Variants in KIF26B observed in about 807,000 individuals in gnomAD.
KIF26B encodes the protein kinesin-like protein KIF26B.
In KIF26B, 63 loss-of-function variants were observed where a neutral mutation model predicts 151.2. The ratio of observed to expected loss-of-function variants is 0.42; its 90% CI spans 0.34 to 0.51. The LOEUF (loss-of-function observed/expected upper bound fraction) is 0.51, where lower values mean the gene tolerates loss of function less well. KIF26B is among the 20% of genes least tolerant of loss of function. The pLI is 0.07. For synonymous variants in KIF26B, 1,357 were observed against 1,262.1 expected, an observed-to-expected ratio of 1.08 and a Z score of -1.59; for missense variants, 2,813 against 2,913.6, an observed-to-expected ratio of 0.97 and a Z score of 0.79.
chr1:245,309,522 C>G (rs2102981621), intron 2 of KIF26B, among the ~76,000 whole-genome samples: 1 of 152,046 alleles, frequency 6.6e-6, no homozygotes, highest in Admixed American at 6.5e-5. Flanking sequence ...GTTCTCAGCC[C>G]TTTGGACTAC....
chr1:245,580,197 C>T (rs1329290827), intron 5 of KIF26B, among the ~76,000 whole-genome samples: 4 of 152,234 alleles, frequency 2.6e-5, no homozygotes, highest in African/African-American at 9.6e-5. Flanking sequence ...AATGTGCCCA[C>T]CCAATATTTC....
chr1:245,525,600 A>G (rs1372038782), intron 4 of KIF26B, among the ~76,000 whole-genome samples: 4 of 152,260 alleles, frequency 2.6e-5, no homozygotes, highest in African/African-American at 7.2e-5. Flanking sequence ...GGGAATTCAC[A>G]CAAGGAAAAG....
chr1:245,522,856 CA>C (rs1425141095), intron 4 of KIF26B, among the ~76,000 whole-genome samples: 1 of 152,214 alleles, frequency 6.6e-6, no homozygotes, highest in African/African-American at 2.4e-5. Context: ...GCATCCCTTT[CA>C]CCTTGCTCTT....
At chr1:245,582,411 G>A (rs747391701) in intron 5 of KIF26B, among the ~76,000 whole-genome samples, 188 of 151,688 alleles carry the variant, frequency 1.2e-3, no homozygotes, top group Non-Finnish European at 2.4e-3. Flanking sequence ...TTACCAGGCC[G>A]TTAATCTAAG....
chr1:245,595,384 T>C (rs996221526), intron 5 of KIF26B, among the ~76,000 whole-genome samples: 1 of 152,050 alleles, frequency 6.6e-6, no homozygotes, highest in African/African-American at 2.4e-5. Context: ...GGGTGTTGAA[T>C]TTTGTTGAAG....
At chr1:245,672,837 G>A (rs1369551302) in intron 10 of KIF26B, among the ~76,000 whole-genome samples, 4 of 152,150 alleles carry the variant, frequency 2.6e-5, no homozygotes, top group Non-Finnish European at 5.9e-5. Flanking sequence ...GAATAAGTTG[G>A]TTGGTAATAC....
intron 2 of KIF26B, among the ~76,000 whole-genome samples, chr1:245,161,726 A>G (rs1037948059): frequency 6.6e-6 from 1 of 152,168 alleles, no homozygotes; most frequent in Non-Finnish European, 1.5e-5. Flanking sequence ...TGTGGTTAAG[A>G]TCATAGAAGG....
intron 4 of KIF26B, among the ~76,000 whole-genome samples, chr1:245,445,235 G>A (rs754358004): frequency 1.3e-5 from 2 of 152,298 alleles, no homozygotes; most frequent in African/African-American, 2.4e-5. Context: ...GAATTATAGC[G>A]CAGCCAGGCT....
At chr1:245,599,671 G>T (rs12401756) in intron 5 of KIF26B, among the ~76,000 whole-genome samples, 1 of 152,010 alleles carries the variant, frequency 6.6e-6, no homozygotes, top group African/African-American at 2.4e-5. Context: ...ATGCTCAGAG[G>T]CTGGGCTAGG....
chr1:245,573,415 C>T (rs140689849), intron 5 of KIF26B, among the ~76,000 whole-genome samples: 1,538 of 152,150 alleles, frequency 0.01, 30 homozygotes, highest in African/African-American at 0.035. Flanking sequence ...CCCAGCTACT[C>T]AGGAGGCTGA....
Position 245,167,608 on chromosome 1 carries a change from T to C in KIF26B, c.465+10925T>C, listed in dbSNP as rs1054468812. The stretch of plus-strand genomic sequence containing the variant: ...CTGTCGAGCTATCTAACCAAATGGT[T>C]GTACAGAAAATAAACAGCTGAATTC... On this transcript the variant is annotated intron_variant, in intron 2 of 14. Transcript: ENST00000407071. The surrounding 1 kb of genome is among the most constrained non-coding windows in gnomAD (Gnocchi z 4.2). 5.9e-5 allele frequency among the ~76,000 whole-genome samples: 9 copies of C among 151,996 alleles called. No individual in the cohort carries two copies. The highest frequency in any genetic ancestry group is 1.2e-4 in the Non-Finnish European group (8 of 68,014).
chr1:245,606,101 C>A lies in KIF26B; in HGVS notation c.1558-1550C>A, dbSNP rs1004036290. Among the ~76,000 whole-genome samples, 1 of 152,140 alleles carries A rather than the reference C, an allele frequency of 6.6e-6. No homozygotes were observed. The highest frequency in any genetic ancestry group is 1.5e-5 in the Non-Finnish European group (1 of 68,030). On this transcript the variant is annotated intron_variant, in intron 6 of 14. Coordinates refer to ENST00000407071, the MANE Select transcript of KIF26B (RefSeq NM_018012.4). The surrounding 1 kb of genome is among the most constrained non-coding windows in gnomAD (Gnocchi z 4.6). ...CTTCTGTCTCAGGGTTAGCACTGGGCTCTCCTTGCCTAAGTCCTGGGGGGT... is the reference window on the plus strand; with the variant it reads ...CTTCTGTCTCAGGGTTAGCACTGGGATCTCCTTGCCTAAGTCCTGGGGGGT...
At chr1:245,296,240 T>C (rs557035926) in intron 2 of KIF26B, among the ~76,000 whole-genome samples, 2 of 151,842 alleles carry the variant, frequency 1.3e-5, no homozygotes, top group East Asian at 3.9e-4. Context: ...GGGTGCGCAG[T>C]GTTACATATG....
At chr1:245,664,827 T>C (rs2044195772) in intron 10 of KIF26B, among the ~76,000 whole-genome samples, 1 of 152,234 alleles carries the variant, frequency 6.6e-6, no homozygotes, top group South Asian at 2.1e-4. Context: ...CTATTTTTTC[T>C]ATTGTTAATG....
intron 5 of KIF26B, among the ~76,000 whole-genome samples, chr1:245,592,269 G>T (rs953938778): frequency 6.6e-6 from 1 of 152,170 alleles, no homozygotes; most frequent in South Asian, 2.1e-4. Flanking sequence ...GCCGCCCAGG[G>T]TGCAGGCGCA....
At chr1:245,536,797 G>T (rs1180444295) in intron 4 of KIF26B, among the ~76,000 whole-genome samples, 2 of 152,138 alleles carry the variant, frequency 1.3e-5, no homozygotes, top group Non-Finnish European at 2.9e-5. Context: ...GTCTTCTGGG[G>T]TCCTCAGTTC....
chr1:245,394,684 C>CTTTTTTTTTTTTTTTTTTTTTTTTT (rs1444711983), intron 3 of KIF26B, among the ~76,000 whole-genome samples: 1 of 124,400 alleles, frequency 8.0e-6, no homozygotes, highest in African/African-American at 4.0e-5. Flanking sequence ...AAGTTTTTTT[C>CTTTTTTTTTTTTTTTTTTTTTTTTT]TTTCTTTTTT....
intron 2 of KIF26B, among the ~76,000 whole-genome samples, chr1:245,177,921 G>A (rs1668838562): frequency 6.6e-6 from 1 of 151,988 alleles, no homozygotes; most frequent in African/African-American, 2.4e-5. Context: ...TAGAGAGAAG[G>A]TAAAAAGGTT....
intron 4 of KIF26B, among the ~76,000 whole-genome samples, chr1:245,425,835 C>G (rs924127019): frequency 6.6e-6 from 1 of 152,210 alleles, no homozygotes; most frequent in South Asian, 2.1e-4. Context: ...TTTGGCAGAG[C>G]TGGTATCGCC....
Sources: allele counts gnomAD v4.1 joint callset (sites outside exome capture counted in the v4.1 genomes callset), GRCh38; gene constraint gnomAD v4.1.1; non-coding constraint Gnocchi (gnomAD v3.1); transcripts MANE v1.5; gene names NCBI Gene and HGNC (gene_info 2026-07-23, HGNC 2026-07-21).